Variants in ADCY1 observed in about 807,000 individuals in gnomAD.
ADCY1 encodes adenylate cyclase type 1.
ADCY1 carries 28 observed loss-of-function variants against 105.4 expected under a neutral mutation model. That is an observed-to-expected ratio of 0.27 (90% CI 0.20 to 0.36). The LOEUF (loss-of-function observed/expected upper bound fraction) is 0.36, where lower values mean the gene tolerates loss of function less well. Among genes scored for constraint, ADCY1 ranks in the 10% least tolerant of loss-of-function variants. The pLI, the probability that ADCY1 is intolerant of heterozygous loss-of-function variation, is 1.00. For missense variants in ADCY1, 977 were observed against 1,434.2 expected (o/e 0.68, Z 5.15); for synonymous variants, 655 against 623.8 (o/e 1.05, Z -0.75).
intron 2 of ADCY1, among the ~76,000 whole-genome samples, chr7:45,608,985 T>C (rs114019889): frequency 0.013 from 1,946 of 152,314 alleles, 37 homozygotes; most frequent in African/African-American, 0.044. Flanking sequence ...GAGCTGGACC[T>C]GGTCTTCCTT....
intron 14 of ADCY1, among the ~76,000 whole-genome samples, chr7:45,694,335 G>C (rs1784840858): frequency 6.6e-6 from 1 of 152,116 alleles, no homozygotes; most frequent in South Asian, 2.1e-4. Context: ...AAAGATCTCT[G>C]AGAAATCCTC....
intron 2 of ADCY1, among the ~76,000 whole-genome samples, chr7:45,602,322 G>A (rs913751522): frequency 1.3e-5 from 2 of 152,128 alleles, no homozygotes; most frequent in Non-Finnish European, 2.9e-5. Flanking sequence ...GAGAGCACAG[G>A]GTGAGAGGCA....
chr7:45,574,236 G>A (rs1792242682), upstream of ADCY1: 1 of 773,062 alleles, frequency 1.3e-6, no homozygotes, highest in South Asian at 5.8e-5. The surrounding 1 kb of genome is among the most constrained non-coding windows in gnomAD (Gnocchi z 7.0). Context: ...CGCAGGACGC[G>A]GAGTTGGGGC....
intron 5 of ADCY1, among the ~76,000 whole-genome samples, chr7:45,649,683 G>C (rs986303615): frequency 2.0e-5 from 3 of 152,238 alleles, no homozygotes; most frequent in African/African-American, 7.2e-5. Context: ...CCTGCAGACA[G>C]TGTGACTGGA....
chr7:45,595,125 A>G (rs908626187), intron 2 of ADCY1, among the ~76,000 whole-genome samples: 4 of 152,142 alleles, frequency 2.6e-5, no homozygotes, highest in African/African-American at 9.7e-5. Context: ...TAAATATGTC[A>G]TTTCTTTCCC....
intron 2 of ADCY1, among the ~76,000 whole-genome samples, chr7:45,599,081 G>A (rs1321220689): frequency 1.3e-5 from 2 of 152,158 alleles, no homozygotes; most frequent in African/African-American, 4.8e-5. Flanking sequence ...CCTGTGTGCT[G>A]TCAGCCCCCT....
intron 17 of ADCY1, among the ~76,000 whole-genome samples, chr7:45,704,902 G>A (rs370987422): frequency 3.6e-4 from 53 of 148,310 alleles, no homozygotes; most frequent in African/African-American, 1.3e-3. Flanking sequence ...CTCCCGCACT[G>A]GCCCACCTCC....
chr7:45,629,230 T>G (rs982429945), intron 4 of ADCY1, among the ~76,000 whole-genome samples: 7 of 152,264 alleles, frequency 4.6e-5, no homozygotes, highest in Non-Finnish European at 1.0e-4. Context: ...TTGTCTGGCT[T>G]TTTTTCACTG....
At chr7:45,633,493 G>A (rs1051345589) in intron 4 of ADCY1, among the ~76,000 whole-genome samples, 1 of 152,188 alleles carries the variant, frequency 6.6e-6, no homozygotes, top group African/African-American at 2.4e-5. Context: ...TGGTGCAAAA[G>A]TAATTGTGGT....
In ADCY1 at chr7:45,628,687, C is replaced by T. The variant is rs1794137035; in HGVS notation, c.1020+5944C>T. 3.3e-5 allele frequency among the ~76,000 whole-genome samples: 5 copies of T among 152,108 alleles called. No homozygotes were observed. The South Asian group carries it at 8.3e-4, about 25-fold the overall frequency. On this transcript the variant is annotated intron_variant, in intron 4 of 19. Coordinates refer to ENST00000297323, the MANE Select transcript of ADCY1 (RefSeq NM_021116.4). Reference sequence around the variant, plus strand: ...ATACAAAGGGAATCTGTCAATTTTCCTAGGAAAGGTTTACATAATACTCTG... The same window carrying T: ...ATACAAAGGGAATCTGTCAATTTTCTTAGGAAAGGTTTACATAATACTCTG...
At chr7:45,622,112 G>A (rs999095227) in intron 3 of ADCY1, among the ~76,000 whole-genome samples, 19 of 152,128 alleles carry the variant, frequency 1.2e-4, no homozygotes, top group African/African-American at 4.6e-4. Flanking sequence ...GCAGACTGAG[G>A]GGGCGGCCCC....
chr7:45,645,325 G>T (rs1794631039), intron 4 of ADCY1, among the ~76,000 whole-genome samples: 1 of 151,922 alleles, frequency 6.6e-6, no homozygotes, highest in Non-Finnish European at 1.5e-5. Flanking sequence ...CTTTTACATA[G>T]GACTCCTGTA....
At chr7:45,663,057 A>T (rs1795175038) in intron 8 of ADCY1, among the ~76,000 whole-genome samples, 1 of 152,204 alleles carries the variant, frequency 6.6e-6, no homozygotes, top group Admixed American at 6.5e-5. Context: ...CTCTGCAGAG[A>T]TGTCTGTGGT....
chr7:45,631,488 A>G (rs1244241287), intron 4 of ADCY1, among the ~76,000 whole-genome samples: 2 of 152,256 alleles, frequency 1.3e-5, no homozygotes, highest in Admixed American at 1.3e-4. Context: ...GGGGAACAAA[A>G]GTTTTCCTTA....
intron 2 of ADCY1, among the ~76,000 whole-genome samples, chr7:45,608,587 C>G (rs1487657905): frequency 6.6e-6 from 1 of 152,238 alleles, no homozygotes; most frequent in Non-Finnish European, 1.5e-5. Context: ...GTCTCCCATG[C>G]TGGGGGCCGT....
intron 6 of ADCY1, 31 bp downstream of exon 6, chr7:45,657,916 G>GGGGGGGC: frequency 2.0e-6 from 1 of 502,918 alleles, no homozygotes. Context: ...GGAGGGGAGG[G>GGGGGGGC]AGGTGGGTGA....
In ADCY1 at chr7:45,575,331, A is replaced by T. The variant is rs895431316; in HGVS notation, c.639+149A>T. ...GGGTGTGTTCAAGGTCACTCCTACGAGTTGGGGACGCAGTCGGGGCTGGCA... is the reference window on the plus strand; with the variant it reads ...GGGTGTGTTCAAGGTCACTCCTACGTGTTGGGGACGCAGTCGGGGCTGGCA... On this transcript the variant is annotated intron_variant, in intron 1 of 19. Transcript: ENST00000297323. The surrounding 1 kb of genome is among the most constrained non-coding windows in gnomAD (Gnocchi z 4.7). 19 of 1,049,630 alleles carry T rather than the reference A, an allele frequency of 1.8e-5. 1 individual carries two copies. Among genetic ancestry groups the T allele is most frequent in the Admixed American group, 3.0e-5 (1 of 33,854 alleles). 65.0% of individuals were successfully genotyped at this position (1,049,630 alleles called of 1,614,324 possible).
intron 3 of ADCY1, among the ~76,000 whole-genome samples, chr7:45,619,753 T>G (rs1247222610): frequency 6.6e-6 from 1 of 152,118 alleles, no homozygotes; most frequent in Non-Finnish European, 1.5e-5. Flanking sequence ...GTGATGTTGG[T>G]AAAAGAATAC....
intron 2 of ADCY1, among the ~76,000 whole-genome samples, chr7:45,601,636 TA>T (rs1249159037): frequency 1.3e-5 from 2 of 152,136 alleles, no homozygotes; most frequent in African/African-American, 4.8e-5. Context: ...AATAGGTGTG[TA>T]GTGAATGAAT....
Sources: allele counts gnomAD v4.1 joint callset (sites outside exome capture counted in the v4.1 genomes callset), GRCh38; gene constraint gnomAD v4.1.1; non-coding constraint Gnocchi (gnomAD v3.1); transcripts MANE v1.5; gene names NCBI Gene and HGNC (gene_info 2026-07-23, HGNC 2026-07-21).